The following IFNLR1 variants were observed in gnomAD, a reference collection of about 807,000 sequenced individuals.
IFNLR1 encodes CRF2-12.
IFNLR1 carries 28 observed loss-of-function variants against 52.5 expected under a neutral mutation model. The ratio of observed to expected loss-of-function variants is 0.53; its 90% CI spans 0.40 to 0.73. The LOEUF is 0.73. Among genes scored for constraint, IFNLR1 ranks in the 30% least tolerant of loss-of-function variants. The probability of loss-of-function intolerance (pLI) is 0.00; values close to 1 mark genes in which losing one functional copy is unlikely to be tolerated. For missense variants in IFNLR1, 623 were observed against 659.1 expected (o/e 0.95, Z 0.60); for synonymous variants, 276 against 274.9 (o/e 1.00, Z -0.04).
chr1:24,186,173 G>C (rs1411732054), intron 1 of IFNLR1, among the ~76,000 whole-genome samples: 1 of 152,072 alleles, frequency 6.6e-6, no homozygotes, highest in African/African-American at 2.4e-5. Flanking sequence ...ACGCTGCTGT[G>C]GGCACTGGGG....
At chr1:24,166,692 G>A (rs1198916716) in intron 3 of IFNLR1, among the ~76,000 whole-genome samples, 2 of 151,852 alleles carry the variant, frequency 1.3e-5, no homozygotes, top group Non-Finnish European at 2.9e-5. Flanking sequence ...GACCACAGGT[G>A]CCCACCACCG....
intron 1 of IFNLR1, among the ~76,000 whole-genome samples, chr1:24,182,326 G>C (rs1423199328): frequency 6.6e-6 from 1 of 152,144 alleles, no homozygotes; most frequent in Non-Finnish European, 1.5e-5. Context: ...TTAGCTGGAG[G>C]CGATCAAAAG....
intron 1 of IFNLR1, among the ~76,000 whole-genome samples, chr1:24,183,469 T>C (rs982807992): frequency 2.0e-5 from 3 of 152,082 alleles, no homozygotes; most frequent in Admixed American, 1.3e-4. Context: ...CAGGGCACAA[T>C]GGTGAGAGTA....
Position 24,170,022 on chromosome 1 carries a change from A to G in IFNLR1, c.183-421T>C, listed in dbSNP as rs536716668. Among the ~76,000 whole-genome samples, 3 of 152,306 alleles carry G rather than the reference A, an allele frequency of 2.0e-5. No individual in the cohort carries two copies. The East Asian group carries it at 5.8e-4, about 29-fold the overall frequency. On this transcript the variant is annotated intron_variant, in intron 2 of 6. Coordinates refer to ENST00000327535, the MANE Select transcript of IFNLR1 (RefSeq NM_170743.4). ...AGGTACTCTGTGGATGTCAGAGGGGAACATGCAGGTCCATGACTCCAACCT... is the reference window on the plus strand; with the variant it reads ...AGGTACTCTGTGGATGTCAGAGGGGGACATGCAGGTCCATGACTCCAACCT...
Position 24,159,552 on chromosome 1 carries a change from C to T in IFNLR1, c.592G>A (p.Ala198Thr). 6.2e-7 allele frequency: 1 copy of T among 1,613,700 alleles called. No homozygotes were observed. Among genetic ancestry groups the T allele is most frequent in the South Asian group, 1.1e-5 (1 of 91,048 alleles). ...ACACTGAACGTGTAGATGGTTCTGGCACTGAGGCAGTGGTGTTCGCTGGCA... is the reference window on the plus strand; with the variant it reads ...ACACTGAACGTGTAGATGGTTCTGGTACTGAGGCAGTGGTGTTCGCTGGCA... ...PAASEHHCLS[A>T]RTIYTFSVPK... Residue 198 changes from alanine (A) to threonine (T), a missense_variant, in exon 5 of 7, where the codon GCC (alanine) becomes ACC (threonine). Transcript: ENST00000327535.
intron 4 of IFNLR1, among the ~76,000 whole-genome samples, chr1:24,160,699 C>T (rs541084522): frequency 1.3e-4 from 20 of 152,230 alleles, no homozygotes; most frequent in African/African-American, 4.3e-4. Flanking sequence ...GGGACCAAGT[C>T]TGGTTGGCCA....
chr1:24,170,329 T>C (rs1644566749), intron 2 of IFNLR1, among the ~76,000 whole-genome samples: 1 of 152,254 alleles, frequency 6.6e-6, no homozygotes, highest in South Asian at 2.1e-4. Flanking sequence ...ACAAATGGAC[T>C]AAGCCAGAGA....
At position 24,157,036 on chromosome 1, in the gene IFNLR1, G is replaced by A. The variant is rs1644385989; in HGVS notation, c.*94C>T. ...AGTGCAATGCCCCTCCGCCGCCCAGGGGAGGTACGGAGGCTCTTGAGTTTC... is the reference window on the plus strand; with the variant it reads ...AGTGCAATGCCCCTCCGCCGCCCAGAGGAGGTACGGAGGCTCTTGAGTTTC... On this transcript the variant is annotated 3_prime_UTR_variant, in exon 7 of 7. Transcript: ENST00000327535. This position sits in a 1 kb window ranked among gnomAD's most constrained non-coding sequence, Gnocchi z 5.1. 1 of 1,413,192 alleles carries A rather than the reference G, an allele frequency of 7.1e-7. No homozygotes were observed. The highest frequency in any genetic ancestry group is 9.6e-7 in the Non-Finnish European group (1 of 1,041,490). The allele number at this position is 1,413,192 out of a possible 1,614,324, so 87.5% of individuals were successfully genotyped here.
chr1:24,159,711 C>T, intron 4 of IFNLR1, 78 bp from the exon 5 acceptor site: 2 of 993,284 alleles, frequency 2.0e-6, no homozygotes, highest in African/African-American at 2.0e-5. Context: ...GTGGGGTTGG[C>T]AGACATGGTA....
At chr1:24,184,373 G>A (rs764909240) in intron 1 of IFNLR1, among the ~76,000 whole-genome samples, 2 of 152,000 alleles carry the variant, frequency 1.3e-5, no homozygotes, top group South Asian at 2.1e-4. Context: ...TCTGAAATAC[G>A]CATCTGATTA....
chr1:24,176,197 T>C (rs1644631188), intron 2 of IFNLR1, among the ~76,000 whole-genome samples: 1 of 152,140 alleles, frequency 6.6e-6, no homozygotes, highest in Non-Finnish European at 1.5e-5. Flanking sequence ...TGTGGGTGAA[T>C]TTCAGAAACA....
intron 6 of IFNLR1, 113 bp downstream of exon 6, chr1:24,158,939 G>T: frequency 4.7e-6 from 5 of 1,060,112 alleles, no homozygotes; most frequent in Middle Eastern, 3.2e-4. Context: ...TAGATGTTTT[G>T]GTCCAAGAGT....
chr1:24,162,724 TTTTCTTTC>T (rs869032994), intron 3 of IFNLR1, among the ~76,000 whole-genome samples: 5 of 32,470 alleles, frequency 1.5e-4, no homozygotes, highest in African/African-American at 6.3e-4. Context: ...TCTTTCTTTC[TTTTCTTTC>T]TTTCTTTCTT....
rs960858701 is a variant in IFNLR1, at chr1:24,158,850, G to C, written c.801+202C>G. The C allele has an allele frequency of 2.3e-5, 14 of 609,512 alleles. No homozygotes were observed. In the African/African-American group the frequency reaches 2.4e-4, roughly 11 times the overall value. The allele number at this position is 609,512 out of a possible 1,614,324, so 37.8% of individuals were successfully genotyped here. A position where few individuals can be genotyped will look rare whatever the true frequency, so the allele number is the denominator to read the frequency against. The stretch of plus-strand genomic sequence containing the variant: ...TTATCTCAAAGGAACTTAAGGCACT[G>C]CTCCCTCCAGGGCCTGTTTGCCATT... On this transcript the variant is annotated intron_variant, in intron 6 of 6. Coordinates refer to ENST00000327535, the MANE Select transcript of IFNLR1 (RefSeq NM_170743.4).
rs745848085 is a variant in IFNLR1 at position 24,157,595 on chromosome 1, G to C, written c.1098C>G (p.Asp366Glu). The C allele has an allele frequency of 2.5e-6, 4 of 1,611,092 alleles. No individual in the cohort carries two copies. Among genetic ancestry groups the C allele is most frequent in the Non-Finnish European group, 3.4e-6 (4 of 1,178,702 alleles). ...APGHSEAGGV[D>E]SGRPRAPLVP... is the part of the protein sequence containing the mutation. The stretch of plus-strand genomic sequence containing the variant: ...CCAGAGGAGCCCTGGGCCTCCCTGA[G>C]TCCACCCCACCAGCCTCCGAGTGCC... The change falls in exon 7 of 7, where the codon GAC becomes GAG. Residue 366 changes from aspartate to glutamate, a missense_variant. Coordinates refer to ENST00000327535, the MANE Select transcript of IFNLR1 (RefSeq NM_170743.4). The surrounding 1 kb of genome is among the most constrained non-coding windows in gnomAD (Gnocchi z 5.1).
At chr1:24,180,994 G>T in intron 1 of IFNLR1, 140 bp from the exon 2 acceptor site, 1 of 840,148 alleles carries the variant, frequency 1.2e-6, no homozygotes, top group Non-Finnish European at 1.8e-6. Flanking sequence ...TGGCTGTACT[G>T]CAGCCCTTGT....
At position 24,161,552 on chromosome 1, in the gene IFNLR1, G is replaced by A; in HGVS notation, c.500C>T (p.Ala167Val). Residue 167 changes from alanine to valine, a missense_variant, in exon 4 of 7, where the codon GCC (alanine) becomes GTC (valine). Coordinates refer to ENST00000327535, the MANE Select transcript of IFNLR1 (RefSeq NM_170743.4). ...KYEVAFWKEG[A>V]GNKTLFPVTP... ...AAAGGAGCTTCCCACCTTGTTTCCGGCCCCCTCCTTCCAGAATGCCACCTC... is the reference window on the plus strand; with the variant it reads ...AAAGGAGCTTCCCACCTTGTTTCCGACCCCCTCCTTCCAGAATGCCACCTC... The A allele has an allele frequency of 1.3e-6, 2 of 1,555,126 alleles. No homozygotes were observed. The highest frequency in any genetic ancestry group is 8.7e-7 in the Non-Finnish European group (1 of 1,148,214).
At chr1:24,158,994 C>T (rs1339901213) in intron 6 of IFNLR1, 58 bp downstream of exon 6, 10 of 1,556,318 alleles carry the variant, frequency 6.4e-6, no homozygotes, top group Non-Finnish European at 8.8e-6. Flanking sequence ...TAGCTCCAGC[C>T]CCACTCCCTT....
chr1:24,168,803 G>C (rs1365675971), intron 3 of IFNLR1, among the ~76,000 whole-genome samples: 5 of 152,102 alleles, frequency 3.3e-5, no homozygotes, highest in Admixed American at 1.3e-4. Context: ...GAGTGCAGGG[G>C]CGTGATCTTG....
Sources: gnomAD v4.1 joint callset for allele counts (sites outside exome capture counted in the v4.1 genomes callset) on GRCh38, gnomAD v4.1.1 for gene constraint, Gnocchi (gnomAD v3.1) non-coding constraint, MANE v1.5 for transcripts, NCBI Gene and HGNC (gene_info 2026-07-23, HGNC 2026-07-21) for gene names.